CLPTM1L: variants seen among roughly 807,000 people sequenced by gnomAD.
CLPTM1L encodes CLPTM1 like.
A neutral mutation model predicts 70.9 loss-of-function variants in CLPTM1L; 38 were observed. The observed-to-expected ratio is 0.54, with a 90% confidence interval of 0.41 to 0.70. CLPTM1L has a LOEUF of 0.70. Among genes scored for constraint, CLPTM1L ranks in the 30% least tolerant of loss-of-function variants. The pLI, the probability that CLPTM1L is intolerant of heterozygous loss-of-function variation, is 0.00. For synonymous variants in CLPTM1L, 339 were observed against 299.9 expected (o/e 1.13, Z -1.35); for missense variants, 652 against 705.9 (o/e 0.92, Z 0.87).
At chr5:1,321,957 G>A (rs769298018) in intron 13 of CLPTM1L, 138 bp from the exon 14 acceptor site, 39 of 760,198 alleles carry the variant, frequency 5.1e-5, no homozygotes, top group Middle Eastern at 3.6e-4. Flanking sequence ...CTGCTATCCA[G>A]ACAACTTCAG....
chr5:1,319,272 T>C (rs1752008368), intron 16 of CLPTM1L, among the ~76,000 whole-genome samples: 2 of 141,138 alleles, frequency 1.4e-5, no homozygotes, highest in South Asian at 4.4e-4. Flanking sequence ...CCCGTGTGAG[T>C]GTGAGTGTTG....
At chr5:1,321,496 C>A in intron 15 of CLPTM1L, 139 bp downstream of exon 15, 1 of 758,478 alleles carries the variant, frequency 1.3e-6, no homozygotes, top group Non-Finnish European at 2.3e-6. Flanking sequence ...AAAGGAGCCT[C>A]CTCAATATTC....
At chr5:1,337,414 G>A (rs753210762) in intron 5 of CLPTM1L, among the ~76,000 whole-genome samples, 1 of 152,238 alleles carries the variant, frequency 6.6e-6, no homozygotes, top group South Asian at 2.1e-4. Flanking sequence ...TATTCGCAAA[G>A]GCCTTCCGCC....
intron 13 of CLPTM1L, 60 bp downstream of exon 13, chr5:1,322,817 C>T: frequency 1.9e-6 from 3 of 1,560,808 alleles, no homozygotes; most frequent in South Asian, 2.2e-5. Flanking sequence ...AATGCAAGAA[C>T]AATTAAATCG....
In CLPTM1L at chr5:1,342,059, T is replaced by C. The variant is rs927712858; in HGVS notation, c.264-199A>G. Among the ~76,000 whole-genome samples the C allele has an allele frequency of 2.9e-5, 4 of 137,354 alleles. No individual in the cohort carries two copies. Among genetic ancestry groups the C allele is most frequent in the African/African-American group, 1.2e-4 (4 of 32,036 alleles). The allele number at this position is 137,354 out of a possible 152,430, so 90.1% of individuals were successfully genotyped here. On this transcript the variant is annotated intron_variant, in intron 2 of 16. Transcript: ENST00000320895. This position sits in a 1 kb window ranked among gnomAD's most constrained non-coding sequence, Gnocchi z 4.3. ...GTGTGTGCACGCGCACGCGTGCGCG[T>C]CCTGAGAACTCGGCACAGGTGTGGG...
intron 9 of CLPTM1L, among the ~76,000 whole-genome samples, chr5:1,330,032 A>C (rs2111225202): frequency 6.6e-6 from 1 of 151,714 alleles, no homozygotes; most frequent in East Asian, 1.9e-4. Context: ...GGGCCTCAGG[A>C]CTCACCACTG....
At position 1,344,886 on chromosome 5, in the gene CLPTM1L, G is replaced by T. The variant is rs1032623722; in HGVS notation, c.-45C>A. On this transcript the variant is annotated 5_prime_UTR_variant, in exon 1 of 17. Transcript: ENST00000320895. ...CCCCCGGCCCGCCCGCCTCTCAGCCGCGAGCCCCGCCCGCCCGGCGCCCAG... is the reference window on the plus strand; with the variant it reads ...CCCCCGGCCCGCCCGCCTCTCAGCCTCGAGCCCCGCCCGCCCGGCGCCCAG... 77 of 1,078,354 alleles carry T rather than the reference G, an allele frequency of 7.1e-5. 1 individual carries two copies. Among genetic ancestry groups the T allele is most frequent in the Non-Finnish European group, 8.2e-5 (73 of 885,992 alleles). The allele number at this position is 1,078,354 out of a possible 1,614,324, so 66.8% of individuals were successfully genotyped here. A position where few individuals can be genotyped will look rare whatever the true frequency, so the allele number is the denominator to read the frequency against.
intron 3 of CLPTM1L, 52 bp from the exon 4 acceptor site, chr5:1,339,057 G>C: frequency 1.3e-6 from 2 of 1,586,296 alleles, no homozygotes; most frequent in Non-Finnish European, 1.7e-6. Context: ...ACCATGCCCA[G>C]GACAGCAGGG....
In CLPTM1L at chr5:1,335,164, C is replaced by T. The variant is rs772648892; in HGVS notation, c.689G>A (p.Arg230His). 8.1e-6 allele frequency: 13 copies of T among 1,613,286 alleles called. No individual in the cohort carries two copies. Among genetic ancestry groups the T allele is most frequent in the South Asian group, 2.2e-5 (2 of 91,068 alleles). Residue 230 changes from arginine (R) to histidine (H), a missense_variant, in exon 6 of 17, where the codon CGC (arginine) becomes CAC (histidine). Transcript: ENST00000320895. ...NRVKDLMVIN[R>H]STTELPLTVS... ...GGTGAGGGGCAGCTCGGTGGTGGAG[C>T]GGTTTATGACCTGATGAAGAAAGCC...
Position 1,321,676 on chromosome 5 carries a change from T to TCAACTGAAA in CLPTM1L, c.1372-6_1374dup (p.Leu458_Lys459insPheGlnLeu). The TCAACTGAAA allele has an allele frequency of 6.2e-7, 1 of 1,613,926 alleles. No homozygotes were observed. Among genetic ancestry groups the TCAACTGAAA allele is most frequent in the East Asian group, 2.2e-5 (1 of 44,866 alleles). Reference sequence around the variant, plus strand: ...TTCCAGGGCAGATGTGCCACTGACTTCAACTGAAACAGGAGAGACAGGCCC... The same window carrying TCAACTGAAA: ...TTCCAGGGCAGATGTGCCACTGACTTCAACTGAAACAACTGAAACAGGAGAGACAGGCCC... On this transcript the variant is annotated inframe_insertion, in exon 15 of 17. Coordinates refer to ENST00000320895, the MANE Select transcript of CLPTM1L (RefSeq NM_030782.5).
At chr5:1,320,853 C>T (rs550508602) in intron 15 of CLPTM1L, 122 bp from the exon 16 acceptor site, 76 of 566,806 alleles carry the variant, frequency 1.3e-4, no homozygotes, top group Non-Finnish European at 2.2e-4. Flanking sequence ...GAACTCCTCA[C>T]AGCAACAACA....
At chr5:1,344,501 C>T (rs939696998) in intron 1 of CLPTM1L, 50 bp from the exon 2 acceptor site, 2 of 1,551,450 alleles carry the variant, frequency 1.3e-6, no homozygotes, top group Non-Finnish European at 1.8e-6. Flanking sequence ...CCTGGCAGGA[C>T]GCACTCAAAT....
chr5:1,344,373 CAA>C lies in CLPTM1L; in HGVS notation c.239_240del (p.Phe80Ter). ...NIDLVLNVEDFDVESKFERTV... is the reference protein window; with the variant it reads ...NIDLVLNVEDXDVESKFERTV... Reference sequence around the variant, plus strand: ...TACCTTTCAAATTTGGACTCCACATCAAAGTCTTCCACATTCAAGACCAGGTC... The same window carrying C: ...TACCTTTCAAATTTGGACTCCACATCAGTCTTCCACATTCAAGACCAGGTC... On this transcript the variant is annotated frameshift_variant, in exon 2 of 17. Coordinates refer to ENST00000320895, the MANE Select transcript of CLPTM1L (RefSeq NM_030782.5). LOFTEE classifies it high-confidence loss of function. 5 of 1,613,756 alleles carry C rather than the reference CAA, an allele frequency of 3.1e-6. No homozygotes were observed. The highest frequency in any genetic ancestry group is 4.2e-6 in the Non-Finnish European group (5 of 1,179,812).
chr5:1,319,440 C>T (rs570659508), intron 16 of CLPTM1L, among the ~76,000 whole-genome samples: 2 of 152,278 alleles, frequency 1.3e-5, no homozygotes, highest in East Asian at 1.9e-4. Flanking sequence ...CAACTGCACC[C>T]GAACAAAGAG....
rs1232029907 is a variant in CLPTM1L, at chr5:1,345,018, T to TGCTCCGGCCCCGCTC, written c.-192_-178dup. 1 of 196,940 alleles carries TGCTCCGGCCCCGCTC rather than the reference T, an allele frequency of 5.1e-6. No homozygotes were observed. The highest frequency in any genetic ancestry group is 9.0e-6 in the Non-Finnish European group (1 of 110,898). The allele number at this position is 196,940 out of a possible 1,614,324, so 12.2% of individuals were successfully genotyped here. ...GCCGCAGACCGCCGGCCGCCCCGCATGCTCCGGCCCCGCTCCCACCTGGCG... is the reference window on the plus strand; with the variant it reads ...GCCGCAGACCGCCGGCCGCCCCGCATGCTCCGGCCCCGCTCGCTCCGGCCCCGCTCCCACCTGGCG... On this transcript the variant is annotated 5_prime_UTR_variant, in exon 1 of 17. Coordinates refer to ENST00000320895, the MANE Select transcript of CLPTM1L (RefSeq NM_030782.5).
At position 1,341,822 on chromosome 5, in the gene CLPTM1L, T is replaced by C. The variant is rs1410066662; in HGVS notation, c.302A>G (p.Asn101Ser). ...NVSVPKKTRN[N>S]GTLYAYIFLH... The stretch of plus-strand genomic sequence containing the variant: ...GAAGATGTAGGCATACAGCGTCCCA[T>C]TGTTTCTCGTTTTCTTTGGTACAGA... Residue 101 changes from asparagine (N) to serine (S), a missense_variant, in exon 3 of 17, where the codon AAT becomes AGT. By Grantham distance (46) the Asn-to-Ser change is conservative (BLOSUM62 1). Coordinates refer to ENST00000320895, the MANE Select transcript of CLPTM1L (RefSeq NM_030782.5). 4 of 1,613,878 alleles carry C rather than the reference T, an allele frequency of 2.5e-6. No homozygotes were observed. Among genetic ancestry groups the C allele is most frequent in the Non-Finnish European group, 2.5e-6 (3 of 1,179,916 alleles).
In CLPTM1L at chr5:1,318,291, A is replaced by G; in HGVS notation, c.*78T>C. The G allele has an allele frequency of 8.5e-7, 1 of 1,177,334 alleles. No individual in the cohort carries two copies. Among genetic ancestry groups the G allele is most frequent in the East Asian group, 2.4e-5 (1 of 42,488 alleles). 72.9% of individuals were successfully genotyped at this position (1,177,334 alleles called of 1,614,324 possible). ...TGGCAACACAGAAAACGCAATGTCT[A>G]GGAATTCCTCCAAATGCTTCCAAAA... On this transcript the variant is annotated 3_prime_UTR_variant, in exon 17 of 17. Transcript: ENST00000320895. This position sits in a 1 kb window ranked among gnomAD's most constrained non-coding sequence, Gnocchi z 8.9.
At chr5:1,337,365 G>A (rs997447592) in intron 5 of CLPTM1L, among the ~76,000 whole-genome samples, 2 of 152,218 alleles carry the variant, frequency 1.3e-5, no homozygotes, top group South Asian at 2.1e-4. Flanking sequence ...GTCACTGCCC[G>A]TAATCACAGG....
chr5:1,333,748 G>C (rs964200625), intron 7 of CLPTM1L, among the ~76,000 whole-genome samples: 1 of 106,706 alleles, frequency 9.4e-6, no homozygotes, highest in South Asian at 2.4e-4. Context: ...GATAAGGGGG[G>C]ACTACTGTAT....
Sources: allele counts gnomAD v4.1 joint callset (sites outside exome capture counted in the v4.1 genomes callset), GRCh38; gene constraint gnomAD v4.1.1; non-coding constraint Gnocchi (gnomAD v3.1); transcripts MANE v1.5; gene names NCBI Gene and HGNC (gene_info 2026-07-23, HGNC 2026-07-21).